The following SPEF2 variants were observed in gnomAD, a reference collection of about 807,000 sequenced individuals.
SPEF2 encodes the protein sperm flagella and cilia-associated protein 2.
SPEF2 carries 187 observed loss-of-function variants against 224.6 expected under a neutral mutation model. That is an observed-to-expected ratio of 0.83 (90% confidence interval 0.74 to 0.94). The LOEUF is 0.94. Among genes scored for constraint, SPEF2 ranks in the 40% least tolerant of loss-of-function variants. SPEF2 has a pLI of 0.00. For synonymous variants in SPEF2, 715 were observed against 707.3 expected (o/e 1.01, Z -0.17); for missense variants, 2,170 against 2,135.6 (o/e 1.02, Z -0.32).
chr5:35,802,728 G>A (rs1255889208), intron 34 of SPEF2, among the ~76,000 whole-genome samples: 2 of 152,346 alleles, frequency 1.3e-5, no homozygotes, highest in East Asian at 3.9e-4. Context: ...TAACTGGTGT[G>A]CTCTGAGAAC....
chr5:35,649,212 A>T (rs912093005), intron 5 of SPEF2, 149 bp from the exon 6 acceptor site: 32 of 599,726 alleles, frequency 5.3e-5, no homozygotes, highest in Non-Finnish European at 7.8e-5. Context: ...AATCAAAATT[A>T]TAAAAAAAAT....
chr5:35,699,674 T>C (rs1738183468), intron 15 of SPEF2: 1 of 152,196 alleles, frequency 6.6e-6, no homozygotes, highest in Admixed American at 6.5e-5. Context: ...AAATGCATCA[T>C]TTCAGTTCAT....
chr5:35,694,461 G>A (rs950769852), intron 13 of SPEF2, 98 bp downstream of exon 13: 16 of 1,057,034 alleles, frequency 1.5e-5, no homozygotes, highest in African/African-American at 4.8e-5. Context: ...GGAAATAAAC[G>A]GGAACCAAGG....
chr5:35,763,539 G>A lies in SPEF2; in HGVS notation c.3638G>A (p.Arg1213Gln), dbSNP rs183181791. ...TCTCAAAGAATTCCTCTAGTTCCTC[G>A]AATATCCATTTCTCTGGAAACAGTT... ...ESQLRIPLVPRISISLETVTP... is the reference protein window; with the variant it reads ...ESQLRIPLVPQISISLETVTP... Residue 1213 changes from arginine (R) to glutamine (Q), a missense_variant, in exon 26 of 37, where the codon CGA (arginine) becomes CAA (glutamine). Transcript: ENST00000356031. The A allele has an allele frequency of 1.6e-5, 25 of 1,579,594 alleles. No individual in the cohort carries two copies. Among genetic ancestry groups the A allele is most frequent in the Admixed American group, 5.7e-5 (3 of 52,236 alleles).
intron 8 of SPEF2, among the ~76,000 whole-genome samples, chr5:35,660,225 G>A (rs1455825473): frequency 6.6e-6 from 1 of 151,986 alleles, no homozygotes; most frequent in African/African-American, 2.4e-5. Context: ...ACTTCCTATT[G>A]GGGATGTTTC....
At chr5:35,694,198 T>G in intron 12 of SPEF2, 90 bp from the exon 13 acceptor site, 1 of 972,838 alleles carries the variant, frequency 1.0e-6, no homozygotes, top group Non-Finnish European at 1.6e-6. Context: ...GTATTTGTTC[T>G]CAAACCTTTA....
Position 35,617,863 on chromosome 5 carries a change from C to G in SPEF2, c.-135C>G, listed in dbSNP as rs1742863613. On this transcript the variant is annotated 5_prime_UTR_variant, in exon 1 of 37. Coordinates refer to ENST00000356031, the MANE Select transcript of SPEF2 (RefSeq NM_024867.4). Reference sequence around the variant, plus strand: ...CCTAGCGTCCCCTCTTCTCTAAGGCCTTTCGCCTAGTTCCAGCCTGGATAC... The same window carrying G: ...CCTAGCGTCCCCTCTTCTCTAAGGCGTTTCGCCTAGTTCCAGCCTGGATAC... 1.2e-6 allele frequency: 1 copy of G among 844,728 alleles called. No individual in the cohort carries two copies. The highest frequency in any genetic ancestry group is 2.1e-5 in the Admixed American group (1 of 47,370). The allele number at this position is 844,728 out of a possible 1,614,324, so 52.3% of individuals were successfully genotyped here.
chr5:35,669,218 C>T (rs957090225), intron 9 of SPEF2, among the ~76,000 whole-genome samples: 5 of 152,058 alleles, frequency 3.3e-5, no homozygotes, highest in Non-Finnish European at 7.4e-5. Context: ...TCTTCAAGGT[C>T]CTTTCATGTT....
intron 1 of SPEF2, among the ~76,000 whole-genome samples, chr5:35,627,896 G>A (rs1185366288): frequency 6.6e-6 from 1 of 152,118 alleles, no homozygotes; most frequent in Non-Finnish European, 1.5e-5. Flanking sequence ...CTCAGTAATT[G>A]CATAGGACAA....
chr5:35,664,606 G>A (rs1561158226), intron 8 of SPEF2, among the ~76,000 whole-genome samples: 1 of 151,962 alleles, frequency 6.6e-6, no homozygotes, highest in Non-Finnish European at 1.5e-5. Flanking sequence ...CTTGAACCCA[G>A]GAGGCTGAGG....
At chr5:35,665,029 CAAT>C (rs1176562681) in intron 8 of SPEF2, among the ~76,000 whole-genome samples, 1 of 152,116 alleles carries the variant, frequency 6.6e-6, no homozygotes, top group East Asian at 1.9e-4. Context: ...AAATTCATTA[CAAT>C]AATATTTGAT....
chr5:35,694,352 A>C lies in SPEF2; in HGVS notation c.1964A>C (p.Glu655Ala), dbSNP rs12332369. The C allele has an allele frequency of 6.2e-6, 10 of 1,612,394 alleles. No homozygotes were observed. The highest frequency in any genetic ancestry group is 8.5e-6 in the Non-Finnish European group (10 of 1,179,108). Residue 655 changes from glutamate (E) to alanine (A), a missense_variant, in exon 13 of 37, where the codon GAA (glutamate) becomes GCA (alanine). Transcript: ENST00000356031. ...SDEVLPETEG[E>A]TMLSANADKT... ...GAAGTATTACCAGAAACAGAAGGTG[A>C]AACAATGCTTAGTAAGATCTCAAAA...
chr5:35,650,339 C>G (rs1748003238), intron 6 of SPEF2, among the ~76,000 whole-genome samples: 1 of 152,168 alleles, frequency 6.6e-6, no homozygotes, highest in African/African-American at 2.4e-5. Flanking sequence ...GATTCCCACT[C>G]CCATTTATCA....
At chr5:35,625,773 G>T (rs1352188275) in intron 1 of SPEF2, among the ~76,000 whole-genome samples, 1 of 152,178 alleles carries the variant, frequency 6.6e-6, no homozygotes, top group East Asian at 1.9e-4. Context: ...ACCCTGGGTG[G>T]CACATTGAGG....
At chr5:35,639,933 A>C (rs986993738) in intron 2 of SPEF2, among the ~76,000 whole-genome samples, 3 of 152,102 alleles carry the variant, frequency 2.0e-5, no homozygotes, top group Non-Finnish European at 4.4e-5. Context: ...CCATGCTTTA[A>C]CAAGAGTAGG....
intron 36 of SPEF2, among the ~76,000 whole-genome samples, chr5:35,812,017 T>A (rs570326072): frequency 5.9e-5 from 9 of 152,172 alleles, no homozygotes; most frequent in Admixed American, 5.9e-4. Flanking sequence ...CTCGATCCCC[T>A]GATCTCGTGA....
chr5:35,629,863 G>A (rs1263707354), intron 2 of SPEF2, among the ~76,000 whole-genome samples: 3 of 152,160 alleles, frequency 2.0e-5, no homozygotes, highest in Non-Finnish European at 4.4e-5. Context: ...ATGTTAGCAA[G>A]TATCAGTATT....
intron 18 of SPEF2, among the ~76,000 whole-genome samples, chr5:35,708,421 T>A (rs962106651): frequency 6.6e-6 from 1 of 151,966 alleles, no homozygotes; most frequent in African/African-American, 2.4e-5. Flanking sequence ...TTTCTCCTCA[T>A]CTTTATTAGC....
chr5:35,807,101 G>T, intron 35 of SPEF2, 30 bp from the exon 36 acceptor site: 1 of 1,597,618 alleles, frequency 6.3e-7, no homozygotes, highest in Middle Eastern at 1.7e-4. Flanking sequence ...TTGTGAGGTT[G>T]ATTAACTTCA....
Sources: gnomAD v4.1 joint callset for allele counts (sites outside exome capture counted in the v4.1 genomes callset) on GRCh38, gnomAD v4.1.1 for gene constraint, MANE v1.5 for transcripts, NCBI Gene and HGNC (gene_info 2026-07-23, HGNC 2026-07-21) for gene names.